The following PCDHA7 variants were observed in gnomAD, a reference collection of about 807,000 sequenced individuals.
PCDHA7 encodes protocadherin alpha 7, also known as protocadherin alpha-7.
A neutral mutation model predicts 57.2 loss-of-function variants in PCDHA7; 37 were observed. The observed-to-expected ratio is 0.65, with a 90% CI of 0.50 to 0.85. The LOEUF (loss-of-function observed/expected upper bound fraction) is 0.85, where lower values mean the gene tolerates loss of function less well. Ranked by LOEUF, PCDHA7 falls within the 40% of genes least tolerant of loss-of-function variation. The pLI is 0.00. For missense variants in PCDHA7, 1,188 were observed against 1,241.8 expected (o/e 0.96, Z 0.65); for synonymous variants, 553 against 558.8 (o/e 0.99, Z 0.15).
At position 140,836,092 on chromosome 5, in the gene PCDHA7, T is replaced by C; in HGVS notation, c.1709T>C (p.Val570Ala). 1.2e-6 allele frequency: 2 copies of C among 1,613,516 alleles called. No homozygotes were observed. Among genetic ancestry groups the C allele is most frequent in the South Asian group, 1.1e-5 (1 of 91,060 alleles). The part of the protein sequence containing the change: ...DNAPALLAPR[V>A]GGTGGAVREL... ...GCGCCGGCACTGCTGGCGCCTCGGG[T>C]GGGTGGCACTGGTGGCGCAGTGAGA... Residue 570 changes from valine (V) to alanine (A), a missense_variant, in exon 1 of 4, where the codon GTG becomes GCG. Coordinates refer to ENST00000525929, the MANE Select transcript of PCDHA7 (RefSeq NM_018910.3).
chr5:140,927,159 C>T (rs782468229), intron 1 of PCDHA7: 2 of 1,614,164 alleles, frequency 1.2e-6, no homozygotes, highest in South Asian at 2.2e-5. Context: ...TGTGCAGGGC[C>T]AAAGCTGCCT....
chr5:141,002,284 A>T (rs1334096097), intron 3 of PCDHA7, among the ~76,000 whole-genome samples: 1 of 152,180 alleles, frequency 6.6e-6, no homozygotes, highest in Non-Finnish European at 1.5e-5. Flanking sequence ...CAAAGGGATG[A>T]ATGGGGAGCA....
intron 1 of PCDHA7, chr5:140,857,579 G>A (rs782552455): frequency 3.1e-6 from 5 of 1,596,586 alleles, no homozygotes; most frequent in East Asian, 2.2e-5. Flanking sequence ...GTCGGTGCAC[G>A]CGGAGAGCGG....
At chr5:140,881,953 T>G in intron 1 of PCDHA7, 1 of 335,146 alleles carries the variant, frequency 3.0e-6, no homozygotes, top group Non-Finnish European at 5.4e-6. Context: ...AAGGTAAACA[T>G]TTAATCTTCA....
Position 140,861,540 on chromosome 5 carries a change from C to T in PCDHA7, c.2355+24802C>T, listed in dbSNP as rs78647999. On this transcript the variant is annotated intron_variant, in intron 1 of 3. Coordinates refer to ENST00000525929, the MANE Select transcript of PCDHA7 (RefSeq NM_018910.3). ...TGGGAGGATCTCGGAGTGCAGCATC[C>T]ACCTGGAAGTGATCGTGGACAAGCT... is the stretch of plus-strand genomic sequence containing the variant. 502 of 425,826 alleles carry T rather than the reference C, an allele frequency of 1.2e-3. 2 individuals are homozygous for T. The highest frequency in any genetic ancestry group is 9.5e-3 in the African/African-American group (465 of 48,884). 26.4% of individuals were successfully genotyped at this position (425,826 alleles called of 1,614,324 possible).
In PCDHA7 at chr5:140,858,143, A is replaced by T. The variant is rs781919234; in HGVS notation, c.2355+21405A>T. 1.9e-6 allele frequency: 3 copies of T among 1,597,218 alleles called. No homozygotes were observed. The South Asian group carries it at 3.3e-5, about 18-fold the overall frequency. On this transcript the variant is annotated intron_variant, in intron 1 of 3. Transcript: ENST00000525929. The stretch of plus-strand genomic sequence containing the variant: ...CCTGGTGGATGTCAACGTGTACCTG[A>T]TCATCGCCATCTGCGCGGTGTCCAG...
chr5:141,009,584 A>G, intron 3 of PCDHA7, 43 bp from the exon 4 acceptor site: 1 of 1,592,004 alleles, frequency 6.3e-7, no homozygotes, highest in Non-Finnish European at 8.6e-7. Context: ...CATCAAGAGC[A>G]TGTGTTGACC....
chr5:140,853,239 A>G (rs2150529987), intron 1 of PCDHA7: 14 of 978,474 alleles, frequency 1.4e-5, no homozygotes, highest in Middle Eastern at 5.3e-4. Flanking sequence ...AGTCCTTCAT[A>G]TTAATCTCTA....
chr5:140,889,893 C>A (rs1275511475), intron 1 of PCDHA7, among the ~76,000 whole-genome samples: 2 of 152,158 alleles, frequency 1.3e-5, no homozygotes, highest in Admixed American at 1.3e-4. Flanking sequence ...AGAATTCTGA[C>A]TACCTTGAGA....
At chr5:140,898,956 T>G (rs1352076218) in intron 1 of PCDHA7, among the ~76,000 whole-genome samples, 1 of 152,130 alleles carries the variant, frequency 6.6e-6, no homozygotes, top group African/African-American at 2.4e-5. Flanking sequence ...GAAGCAGTTG[T>G]GAATGGGAGT....
intron 1 of PCDHA7, chr5:140,841,892 C>G: frequency 6.2e-7 from 1 of 1,613,788 alleles, no homozygotes; most frequent in South Asian, 1.1e-5. Flanking sequence ...TGAGAATAAA[C>G]TGGTTGAGCT....
intron 3 of PCDHA7, among the ~76,000 whole-genome samples, chr5:140,995,493 G>T (rs1427672474): frequency 6.6e-6 from 1 of 152,148 alleles, no homozygotes; most frequent in Non-Finnish European, 1.5e-5. Flanking sequence ...TCAGACTAAG[G>T]TTGACTGTGG....
rs1294221854 is a variant in PCDHA7 at position 140,836,296 on chromosome 5, A to G, written c.1913A>G (p.Asp638Gly). 1 of 1,613,690 alleles carries G rather than the reference A, an allele frequency of 6.2e-7. No individual in the cohort carries two copies. Among genetic ancestry groups the G allele is most frequent in the Non-Finnish European group, 8.5e-7 (1 of 1,179,802 alleles). ...GAGATCAGCACGACACGAGCCCTAG[A>G]TGAGACGGACGCACCGCGCCACCGC... The part of the protein sequence containing the change: ...TGEISTTRAL[D>G]ETDAPRHRLL... The change falls in exon 1 of 4, where the codon GAT becomes GGT. Residue 638 changes from aspartate to glycine, a missense_variant. Physicochemically the swap from Asp to Gly is moderately conservative, Grantham distance 94. Transcript: ENST00000525929.
intron 1 of PCDHA7, chr5:140,853,562 C>G (rs902693862): frequency 1.0e-6 from 1 of 981,152 alleles, no homozygotes; most frequent in South Asian, 4.8e-5. Flanking sequence ...ATAGGAAAAA[C>G]TAAGTTGTCA....
chr5:140,849,298 A>T lies in PCDHA7; in HGVS notation c.2355+12560A>T, dbSNP rs1182153594. 25 of 1,269,106 alleles carry T rather than the reference A, an allele frequency of 2.0e-5. No individual in the cohort carries two copies. The highest frequency in any genetic ancestry group is 2.6e-5 in the Non-Finnish European group (24 of 927,200). 78.6% of individuals were successfully genotyped at this position (1,269,106 alleles called of 1,614,324 possible). On this transcript the variant is annotated intron_variant, in intron 1 of 3. Transcript: ENST00000525929. ...CTGGTGATTCACCCCAATGCCTCAG[A>T]TTTAGACGAAGGCTTGAATGGGGAT... is the stretch of plus-strand genomic sequence containing the variant.
At chr5:140,899,574 C>T (rs890849786) in intron 1 of PCDHA7, among the ~76,000 whole-genome samples, 2 of 152,112 alleles carry the variant, frequency 1.3e-5, no homozygotes, top group African/African-American at 4.8e-5. Context: ...CTGCTGGATT[C>T]GGTTTGCCAG....
chr5:140,961,263 T>A (rs782231630), intron 1 of PCDHA7, among the ~76,000 whole-genome samples: 1 of 152,218 alleles, frequency 6.6e-6, no homozygotes, highest in Non-Finnish European at 1.5e-5. Flanking sequence ...TCCAGGAAGC[T>A]TCTTTTTACC....
chr5:140,873,639 T>G (rs567970956), intron 1 of PCDHA7, among the ~76,000 whole-genome samples: 1 of 152,346 alleles, frequency 6.6e-6, no homozygotes, highest in African/African-American at 2.4e-5. Context: ...AAAGAGTATG[T>G]GAGAACTACA....
chr5:140,997,785 A>G (rs537383326), intron 3 of PCDHA7, among the ~76,000 whole-genome samples: 2 of 152,218 alleles, frequency 1.3e-5, no homozygotes, highest in Admixed American at 1.3e-4. Flanking sequence ...GTATACCTAT[A>G]TTATAATTTA....
Sources: gnomAD v4.1 joint callset for allele counts (sites outside exome capture counted in the v4.1 genomes callset) on GRCh38, gnomAD v4.1.1 for gene constraint, MANE v1.5 for transcripts, NCBI Gene and HGNC (gene_info 2026-07-23, HGNC 2026-07-21) for gene names.